The following TTL variants were observed in gnomAD, a reference collection of about 807,000 sequenced individuals.
TTL encodes the protein tubulin tyrosine ligase.
Under a neutral mutation model 41.1 loss-of-function variants are expected in TTL, and 10 were observed. That is an observed-to-expected ratio of 0.24 (90% CI 0.15 to 0.41). TTL has a LOEUF of 0.41. TTL is among the 10% of genes least tolerant of loss of function. The pLI is 1.00. For synonymous variants in TTL, 175 were observed against 175.5 expected (o/e 1.00, Z 0.02); for missense variants, 367 against 460.4 (o/e 0.80, Z 1.86).
intron 2 of TTL, among the ~76,000 whole-genome samples, chr2:112,493,264 C>G (rs1681440089): frequency 6.6e-6 from 1 of 151,924 alleles, no homozygotes; most frequent in African/African-American, 2.4e-5. Flanking sequence ...CAGTGCATGT[C>G]TGTGGGCAGG....
intron 6 of TTL, among the ~76,000 whole-genome samples, chr2:112,527,893 G>A (rs1458765096): frequency 6.6e-6 from 1 of 152,210 alleles, no homozygotes. Flanking sequence ...AGTTGATGCA[G>A]TTTCTTCCTA....
At position 112,539,053 on chromosome 2, in the gene TTL, G is replaced by C. The variant is rs188163040; in HGVS notation, c.*10258G>C. ...AATCACTTGAACCTGGAAGGCGGAG[G>C]TTGCAGTGAGCCGAGATTGCGCCAC... On this transcript the variant is annotated 3_prime_UTR_variant, in exon 7 of 7. Transcript: ENST00000233336. 6.6e-6 allele frequency: 1 copy of C among 150,746 alleles called. No homozygotes were observed. Among genetic ancestry groups the C allele is most frequent in the Admixed American group, 6.6e-5 (1 of 15,086 alleles). The allele number at this position is 150,746 out of a possible 1,614,324, so 9.3% of individuals were successfully genotyped here.
chr2:112,510,283 C>T (rs1164115267), intron 5 of TTL, among the ~76,000 whole-genome samples: 1 of 152,100 alleles, frequency 6.6e-6, no homozygotes, highest in Non-Finnish European at 1.5e-5. Flanking sequence ...GTATACACCA[C>T]TGTGCCTGGC....
rs1009537079 is a variant in TTL at position 112,540,162 on chromosome 2, G to A, written c.*11367G>A. Reference sequence around the variant, plus strand: ...TGCAGAAATTGACAAGCTGGGCCGGGTGTGGTGGCTCACACCTGTAATCCC... The same window carrying A: ...TGCAGAAATTGACAAGCTGGGCCGGATGTGGTGGCTCACACCTGTAATCCC... On this transcript the variant is annotated 3_prime_UTR_variant, in exon 7 of 7. Transcript: ENST00000233336. 6.6e-6 allele frequency: 1 copy of A among 152,176 alleles called. No individual in the cohort carries two copies. The highest frequency in any genetic ancestry group is 1.5e-5 in the Non-Finnish European group (1 of 68,024). The allele number at this position is 152,176 out of a possible 1,614,324, so 9.4% of individuals were successfully genotyped here. A position where few individuals can be genotyped will look rare whatever the true frequency, so the allele number is the denominator to read the frequency against.
chr2:112,524,058 C>T (rs531811794), intron 6 of TTL, among the ~76,000 whole-genome samples: 1 of 152,202 alleles, frequency 6.6e-6, no homozygotes, highest in South Asian at 2.1e-4. Flanking sequence ...TGTTTTCTAT[C>T]CCTGTGATAG....
rs1682583508 is a variant in TTL, at chr2:112,535,637, C to T, written c.*6842C>T. On this transcript the variant is annotated 3_prime_UTR_variant, in exon 7 of 7. Transcript: ENST00000233336. ...AGAGGAGAAAAAAAAGGCAAGAGGC[C>T]TAAAGAAACCAACAGTAAAATGGTA... The T allele has an allele frequency of 6.6e-6, 1 of 151,564 alleles. No homozygotes were observed. The highest frequency in any genetic ancestry group is 1.5e-5 in the Non-Finnish European group (1 of 67,858). 9.4% of individuals were successfully genotyped at this position (151,564 alleles called of 1,614,324 possible).
chr2:112,512,644 G>A (rs1435060275), intron 5 of TTL, among the ~76,000 whole-genome samples: 3 of 151,936 alleles, frequency 2.0e-5, no homozygotes, highest in Non-Finnish European at 4.4e-5. Flanking sequence ...TGATCCACCC[G>A]CCTCAGCCTC....
chr2:112,494,692 A>G (rs1312842039), intron 3 of TTL, among the ~76,000 whole-genome samples: 1 of 152,146 alleles, frequency 6.6e-6, no homozygotes, highest in Admixed American at 6.6e-5. Flanking sequence ...CTTTCCACTT[A>G]GTATATGATC....
intron 6 of TTL, among the ~76,000 whole-genome samples, chr2:112,523,697 T>C (rs1329237839): frequency 1.3e-5 from 2 of 152,182 alleles, no homozygotes; most frequent in African/African-American, 4.8e-5. Flanking sequence ...AGGCCTTCCA[T>C]AAGTATTTGC....
At chr2:112,519,493 G>T (rs13030618) in intron 5 of TTL, among the ~76,000 whole-genome samples, 61,716 of 149,262 alleles carry the variant, frequency 0.41, 12,827 homozygotes, top group East Asian at 0.59. Context: ...CTTAAATCTT[G>T]TAATTAGCAA....
At chr2:112,509,883 C>G (rs368130917) in intron 5 of TTL, among the ~76,000 whole-genome samples, 2 of 152,262 alleles carry the variant, frequency 1.3e-5, no homozygotes, top group East Asian at 3.9e-4. Flanking sequence ...ATCTACCCCC[C>G]TCGGCCTCCC....
chr2:112,499,554 G>C (rs1463098668), intron 3 of TTL, among the ~76,000 whole-genome samples: 1 of 152,168 alleles, frequency 6.6e-6, no homozygotes, highest in Admixed American at 6.6e-5. Flanking sequence ...GAAAAAAGGA[G>C]ATAGGGCTTG....
rs549943725 is a variant in TTL, at chr2:112,538,881, G to C, written c.*10086G>C. 2.0e-5 allele frequency: 3 copies of C among 152,480 alleles called. No individual in the cohort carries two copies. The East Asian group carries it at 5.8e-4, about 29-fold the overall frequency. 9.4% of individuals were successfully genotyped at this position (152,480 alleles called of 1,614,324 possible). A position where few individuals can be genotyped will look rare whatever the true frequency, so the allele number is the denominator to read the frequency against. On this transcript the variant is annotated 3_prime_UTR_variant, in exon 7 of 7. Transcript: ENST00000233336. ...GCCTGTCATCCCAGCACTTTGGGAG[G>C]CCAAGGCGGGCGGATCATGAGGTCC... is the stretch of plus-strand genomic sequence containing the variant.
intron 5 of TTL, among the ~76,000 whole-genome samples, chr2:112,513,426 G>T (rs1681979330): frequency 6.6e-6 from 1 of 151,710 alleles, no homozygotes; most frequent in Non-Finnish European, 1.5e-5. Context: ...ACTTCCTTAA[G>T]TTTTAAAGTT....
At chr2:112,524,774 T>G (rs1374563824) in intron 6 of TTL, among the ~76,000 whole-genome samples, 3 of 152,248 alleles carry the variant, frequency 2.0e-5, no homozygotes, top group Non-Finnish European at 2.9e-5. Context: ...TCTTTTGCTG[T>G]GCAGAAGCTC....
At chr2:112,526,192 A>G (rs956853351) in intron 6 of TTL, among the ~76,000 whole-genome samples, 16 of 152,142 alleles carry the variant, frequency 1.1e-4, no homozygotes, top group African/African-American at 3.9e-4. Flanking sequence ...GTTTGCCAGT[A>G]TTTTGTTGAG....
In TTL at chr2:112,519,593, AGG is replaced by A. The variant is rs376062081; in HGVS notation, c.876-687_876-686del. On this transcript the variant is annotated intron_variant, in intron 5 of 6. Transcript: ENST00000233336. ...TTTTGCAAATCCTGCCCTTCACCAAAGGGCAGTCCATTCTTTACATGGCAAAA... is the reference window on the plus strand; with the variant it reads ...TTTTGCAAATCCTGCCCTTCACCAAAGCAGTCCATTCTTTACATGGCAAAA... Among the ~76,000 whole-genome samples the A allele has an allele frequency of 1.3e-4, 19 of 147,224 alleles. 1 individual carries two copies. The highest frequency in any genetic ancestry group is 4.8e-4 in the African/African-American group (19 of 39,928).
intron 1 of TTL, chr2:112,483,920 C>G (rs1681163560): frequency 6.6e-6 from 1 of 152,222 alleles, no homozygotes. Flanking sequence ...AAAGAGAATT[C>G]ATGATCTGAA....
At chr2:112,495,642 T>C (rs1280245846) in intron 3 of TTL, among the ~76,000 whole-genome samples, 4 of 152,124 alleles carry the variant, frequency 2.6e-5, no homozygotes, top group African/African-American at 9.7e-5. Flanking sequence ...GGTCAGGAGA[T>C]TGAGACCATC....
Sources: allele counts gnomAD v4.1 joint callset (sites outside exome capture counted in the v4.1 genomes callset), GRCh38; gene constraint gnomAD v4.1.1; transcripts MANE v1.5; gene names NCBI Gene and HGNC (gene_info 2026-07-23, HGNC 2026-07-21).